Variants in RAB4B observed in about 807,000 individuals in gnomAD.
The protein encoded by RAB4B is ras-related protein Rab-4B.
In RAB4B, 15 loss-of-function variants were observed where a neutral mutation model predicts 28.3. That is an observed-to-expected ratio of 0.53 (90% CI 0.35 to 0.82). RAB4B has a LOEUF of 0.82. Ranked by LOEUF, RAB4B falls within the 40% of genes least tolerant of loss-of-function variation. The pLI is 0.01. For synonymous variants in RAB4B, 108 were observed against 116.3 expected (o/e 0.93, Z 0.46); for missense variants, 244 against 288.5 (o/e 0.85, Z 1.12).
At chr19:40,785,342 C>CAAAAAAAAA (rs59914589) in intron 5 of RAB4B, among the ~76,000 whole-genome samples, 1 of 49,650 alleles carries the variant, frequency 2.0e-5, no homozygotes, top group Admixed American at 2.7e-4. Flanking sequence ...CCTGCCTCTA[C>CAAAAAAAAA]AAAAAAAAAA....
At chr19:40,786,596 A>G in intron 5 of RAB4B, 69 bp from the exon 6 acceptor site, 1 of 1,597,356 alleles carries the variant, frequency 6.3e-7, no homozygotes, top group Non-Finnish European at 8.5e-7. Context: ...GATGAGAGTC[A>G]GCAGGTGAGA....
At chr19:40,795,997 G>A (rs1309343159) in intron 7 of RAB4B, among the ~76,000 whole-genome samples, 3 of 152,064 alleles carry the variant, frequency 2.0e-5, no homozygotes, top group South Asian at 2.1e-4. Flanking sequence ...ATGAGCCACC[G>A]CGCCCGGCCT....
At chr19:40,795,156 G>C (rs573009624) in intron 7 of RAB4B, among the ~76,000 whole-genome samples, 1 of 140,660 alleles carries the variant, frequency 7.1e-6, no homozygotes, top group African/African-American at 2.6e-5. Context: ...GCAATAGAGC[G>C]AGGCTCCATC....
intron 1 of RAB4B, among the ~76,000 whole-genome samples, chr19:40,778,679 GGGCGGAGCCTGAGTGAAGGGGC>G (rs2083018693): frequency 6.6e-6 from 1 of 152,142 alleles, no homozygotes; most frequent in Non-Finnish European, 1.5e-5. Context: ...TAATGGATCT[GGGCGGAGCCTGAGTGAAGGGGC>G]GGGGCTGACT....
Position 40,780,364 on chromosome 19 carries a change from TTC to T in RAB4B, c.98-19_98-18del. Reference sequence around the variant, plus strand: ...GTCTCCTCTCTCCCTGTACTGCCCCTTCTGTTCCTCCTACTCCCAGTCAAACA... The same window carrying T: ...GTCTCCTCTCTCCCTGTACTGCCCCTTGTTCCTCCTACTCCCAGTCAAACA... On this transcript the variant is annotated intron_variant, in intron 2 of 7. Coordinates refer to ENST00000357052, the MANE Select transcript of RAB4B (RefSeq NM_016154.5). The T allele has an allele frequency of 6.3e-7, 1 of 1,585,160 alleles. No individual in the cohort carries two copies. The highest frequency in any genetic ancestry group is 2.3e-5 in the East Asian group (1 of 43,278).
chr19:40,786,487 C>A, intron 5 of RAB4B, 178 bp from the exon 6 acceptor site: 1 of 857,808 alleles, frequency 1.2e-6, no homozygotes, highest in Non-Finnish European at 1.8e-6. Context: ...GAAGGAAGAG[C>A]TGGGTGGGCA....
intron 7 of RAB4B, chr19:40,796,343 C>G (rs1359746563): frequency 6.6e-6 from 1 of 152,268 alleles, no homozygotes; most frequent in Non-Finnish European, 1.5e-5. Flanking sequence ...TTTACAGACT[C>G]AGACAGCTCT....
intron 1 of RAB4B, chr19:40,779,787 T>G (rs2083029828): frequency 9.0e-7 from 1 of 1,106,296 alleles, no homozygotes; most frequent in Non-Finnish European, 1.2e-6. Flanking sequence ...GCACATGTAC[T>G]CCCTGAATCT....
Position 40,778,267 on chromosome 19 carries a change from CG to C in RAB4B, c.-105del, listed in dbSNP as rs2083013732. ...GAGGCGGAAGTGGCGGTGCCGGGCC[CG>C]GGGAGTAGGAAGGAGCCGGGGCTGT... On this transcript the variant is annotated 5_prime_UTR_variant, in exon 1 of 8. Coordinates refer to ENST00000357052, the MANE Select transcript of RAB4B (RefSeq NM_016154.5). The C allele has an allele frequency of 9.1e-7, 1 of 1,098,956 alleles. No homozygotes were observed. The highest frequency in any genetic ancestry group is 1.2e-6 in the Non-Finnish European group (1 of 803,256). 68.1% of individuals were successfully genotyped at this position (1,098,956 alleles called of 1,614,324 possible).
chr19:40,781,573 C>T (rs1307613174), intron 3 of RAB4B, among the ~76,000 whole-genome samples: 1 of 151,912 alleles, frequency 6.6e-6, no homozygotes, highest in South Asian at 2.1e-4. Flanking sequence ...AGTTTGAGAC[C>T]AGCCTGGGCA....
rs73551421 is a variant in RAB4B at position 40,781,003 on chromosome 19, C to T, written c.212+504C>T. On this transcript the variant is annotated intron_variant, in intron 3 of 7. Coordinates refer to ENST00000357052, the MANE Select transcript of RAB4B (RefSeq NM_016154.5). ...ATAAGGGAGGTAAGGAGGCCTGGCA[C>T]GGTGGCTTACACCTATAATCCCAGC... is the stretch of plus-strand genomic sequence containing the variant. Among the ~76,000 whole-genome samples the T allele has an allele frequency of 8.0e-4, 120 of 150,184 alleles. 1 individual carries two copies. The highest frequency in any genetic ancestry group is 2.3e-3 in the African/African-American group (93 of 40,798).
intron 3 of RAB4B, among the ~76,000 whole-genome samples, chr19:40,781,704 C>T (rs548398745): frequency 6.6e-6 from 1 of 152,146 alleles, no homozygotes; most frequent in East Asian, 1.9e-4. Flanking sequence ...GCCTGCAGAG[C>T]AGAAAAGTTG....
At chr19:40,787,244 T>G (rs1261877448) in intron 7 of RAB4B, among the ~76,000 whole-genome samples, 1 of 150,408 alleles carries the variant, frequency 6.6e-6, no homozygotes, top group Non-Finnish European at 1.5e-5. Context: ...CTCAGAAAGG[T>G]CAGGGCCAGG....
At chr19:40,795,480 AC>A (rs2083201100) in intron 7 of RAB4B, among the ~76,000 whole-genome samples, 1 of 151,242 alleles carries the variant, frequency 6.6e-6, no homozygotes, top group Non-Finnish European at 1.5e-5. Context: ...GCTCACTGCA[AC>A]CTCCGCCTCC....
intron 1 of RAB4B, among the ~76,000 whole-genome samples, chr19:40,778,754 T>C (rs1015267846): frequency 6.6e-5 from 10 of 151,968 alleles, no homozygotes; most frequent in African/African-American, 2.4e-4. Context: ...GAGGGAACAC[T>C]GAATGGAAGC....
chr19:40,786,656 C>T lies in RAB4B; in HGVS notation c.431-9C>T, dbSNP rs1205048116. 7 of 1,613,706 alleles carry T rather than the reference C, an allele frequency of 4.3e-6. No individual in the cohort carries two copies. Among genetic ancestry groups the T allele is most frequent in the South Asian group, 1.1e-5 (1 of 91,018 alleles). On this transcript the variant is annotated splice_polypyrimidine_tract_variant and intron_variant, in intron 5 of 7. Coordinates refer to ENST00000357052, the MANE Select transcript of RAB4B (RefSeq NM_016154.5). ...TGGGGCCCTGACCTCAGAGTGTGTG[C>T]CCCTGCAGAGCTGATGTTCCTGGAG...
chr19:40,794,731 G>T (rs374970771), intron 7 of RAB4B: 27 of 149,184 alleles, frequency 1.8e-4, no homozygotes, highest in African/African-American at 6.4e-4. Context: ...GTGGTTTCAG[G>T]ACTTTTTCTT....
intron 3 of RAB4B, among the ~76,000 whole-genome samples, chr19:40,782,834 A>G (rs2083061845): frequency 7.1e-6 from 1 of 140,070 alleles, no homozygotes; most frequent in African/African-American, 2.7e-5. Context: ...CAATCAATCA[A>G]TCAATCAATA....
chr19:40,781,796 C>A (rs1009160369), intron 3 of RAB4B, among the ~76,000 whole-genome samples: 1 of 151,856 alleles, frequency 6.6e-6, no homozygotes, highest in Admixed American at 6.6e-5. Context: ...CCGAGGCGGG[C>A]GGATCACGAG....
Sources: allele counts gnomAD v4.1 joint callset (sites outside exome capture counted in the v4.1 genomes callset), GRCh38; gene constraint gnomAD v4.1.1; transcripts MANE v1.5; gene names NCBI Gene and HGNC (gene_info 2026-07-23, HGNC 2026-07-21).